TEK: variants seen among roughly 807,000 people sequenced by gnomAD.
TEK encodes TEK receptor tyrosine kinase, also known as angiopoietin-1 receptor.
In TEK, 43 loss-of-function variants were observed where a neutral mutation model predicts 131.8. That is an observed-to-expected ratio of 0.33 (90% confidence interval 0.26 to 0.42). The LOEUF (loss-of-function observed/expected upper bound fraction) is 0.42. TEK is among the 10% of genes least tolerant of loss of function. The probability of loss-of-function intolerance (pLI) is 1.00; values close to 1 mark genes in which losing one functional copy is unlikely to be tolerated. For missense variants in TEK, 1,162 were observed against 1,384.4 expected (o/e 0.84, Z 2.55); for synonymous variants, 580 against 491.6 (o/e 1.18, Z -2.38).
intron 6 of TEK, among the ~76,000 whole-genome samples, chr9:27,174,231 C>T (rs1824079322): frequency 6.6e-6 from 1 of 152,136 alleles, no homozygotes; most frequent in South Asian, 2.1e-4. Flanking sequence ...TGTGAATTAG[C>T]CAGAGCTCAA....
rs373992338 is a variant in TEK, at chr9:27,229,128, T to G, written c.3301-30T>G. The G allele has an allele frequency of 5.0e-6, 8 of 1,608,254 alleles. No homozygotes were observed. In the African/African-American group the frequency reaches 1.1e-4, roughly 22 times the overall value. On this transcript the variant is annotated intron_variant, in intron 22 of 22. Coordinates refer to ENST00000380036, the MANE Select transcript of TEK (RefSeq NM_000459.5). ...TGGCAGAGGTGGAATCAAAGCAGCC[T>G]ATGTCTCTGAACCATTTTCATTCTT...
intron 11 of TEK, among the ~76,000 whole-genome samples, chr9:27,196,293 TA>T (rs1825005918): frequency 6.6e-6 from 1 of 152,220 alleles, no homozygotes; most frequent in Non-Finnish European, 1.5e-5. Context: ...GGCTATATCA[TA>T]ATTTATTAAA....
intron 1 of TEK, among the ~76,000 whole-genome samples, chr9:27,140,404 A>C (rs11791924): frequency 0.14 from 21,347 of 151,330 alleles, 2,214 homozygotes; most frequent in African/African-American, 0.29. Flanking sequence ...AAGAAAAAAA[A>C]AAAAAAAAAA....
At chr9:27,173,398 C>G in intron 6 of TEK, 36 bp downstream of exon 6, 1 of 1,613,038 alleles carries the variant, frequency 6.2e-7, no homozygotes, top group Non-Finnish European at 8.5e-7. Context: ...AGAGGATGTT[C>G]TAGCAGGTAT....
intron 17 of TEK, 122 bp downstream of exon 17, chr9:27,213,019 T>C: frequency 9.3e-7 from 1 of 1,074,502 alleles, no homozygotes; most frequent in South Asian, 1.4e-5. Flanking sequence ...ATCTCCCTCA[T>C]TTTAATCTCT....
At chr9:27,152,041 G>A (rs887288820) in intron 1 of TEK, among the ~76,000 whole-genome samples, 1 of 152,066 alleles carries the variant, frequency 6.6e-6, no homozygotes, top group African/African-American at 2.4e-5. Flanking sequence ...AAATGCCTTT[G>A]GCCAAGGAAG....
At chr9:27,208,329 C>A (rs765339714) in intron 15 of TEK, among the ~76,000 whole-genome samples, 1 of 151,498 alleles carries the variant, frequency 6.6e-6, no homozygotes, top group Admixed American at 6.6e-5. Flanking sequence ...TCACTCCTTT[C>A]CTTGCCACCC....
intron 15 of TEK, among the ~76,000 whole-genome samples, chr9:27,207,327 G>A (rs908840140): frequency 6.6e-6 from 1 of 152,164 alleles, no homozygotes; most frequent in Admixed American, 6.5e-5. Context: ...ATTCACTTGG[G>A]TTTCTTCTAC....
chr9:27,203,751 C>T (rs1013198463), intron 13 of TEK, among the ~76,000 whole-genome samples: 2 of 152,162 alleles, frequency 1.3e-5, no homozygotes, highest in East Asian at 1.9e-4. Context: ...AGGCACCTCC[C>T]GGCTCTCTGT....
At position 27,200,031 on chromosome 9, in the gene TEK, G is replaced by A. The variant is rs188129243; in HGVS notation, c.1909+2432G>A. Reference sequence around the variant, plus strand: ...AGATATAAAAATGTTATTTTGGGGTGCAGTATATTTTAATATTTTTATTTT... The same window carrying A: ...AGATATAAAAATGTTATTTTGGGGTACAGTATATTTTAATATTTTTATTTT... On this transcript the variant is annotated intron_variant, in intron 12 of 22. Coordinates refer to ENST00000380036, the MANE Select transcript of TEK (RefSeq NM_000459.5). Among the ~76,000 whole-genome samples the A allele has an allele frequency of 4.8e-3, 733 of 152,220 alleles. 4 individuals carry two copies. The highest frequency in any genetic ancestry group is 0.016 in the African/African-American group (677 of 41,534).
At chr9:27,173,559 G>A (rs1362079863) in intron 6 of TEK, among the ~76,000 whole-genome samples, 197 bp downstream of exon 6, 1 of 152,078 alleles carries the variant, frequency 6.6e-6, no homozygotes, top group Non-Finnish European at 1.5e-5. Context: ...CGCATAGAAA[G>A]TACTTCTCAT....
chr9:27,139,501 T>C (rs1822640262), intron 1 of TEK, among the ~76,000 whole-genome samples: 1 of 151,474 alleles, frequency 6.6e-6, no homozygotes, highest in African/African-American at 2.4e-5. Flanking sequence ...ATTTTTGTAT[T>C]TTTAGTTGAG....
Position 27,109,513 on chromosome 9 carries a change from C to A in TEK, c.-78C>A. 1 of 1,506,788 alleles carries A rather than the reference C, an allele frequency of 6.6e-7. No homozygotes were observed. Among genetic ancestry groups the A allele is most frequent in the South Asian group, 1.1e-5 (1 of 88,848 alleles). The allele number at this position is 1,506,788 out of a possible 1,614,324, so 93.3% of individuals were successfully genotyped here. A position where few individuals can be genotyped will look rare whatever the true frequency, so the allele number is the denominator to read the frequency against. On this transcript the variant is annotated 5_prime_UTR_variant, in exon 1 of 23. Coordinates refer to ENST00000380036, the MANE Select transcript of TEK (RefSeq NM_000459.5). Reference sequence around the variant, plus strand: ...GTAGGACGATGCTAATGGAAAGTCACAAACCGCTGGGTTTTTGAAAGGATC... The same window carrying A: ...GTAGGACGATGCTAATGGAAAGTCAAAAACCGCTGGGTTTTTGAAAGGATC...
chr9:27,195,285 G>C (rs566750603), intron 11 of TEK, among the ~76,000 whole-genome samples: 11 of 152,250 alleles, frequency 7.2e-5, no homozygotes, highest in African/African-American at 2.4e-4. Flanking sequence ...TTAATTCCCA[G>C]TAGATGGAAA....
chr9:27,188,994 C>CT (rs763692927), intron 9 of TEK, among the ~76,000 whole-genome samples: 7 of 152,066 alleles, frequency 4.6e-5, no homozygotes, highest in Non-Finnish European at 8.8e-5. Flanking sequence ...TGAGCAAAGA[C>CT]TTGAAGGTTA....
At position 27,202,880 on chromosome 9, in the gene TEK, T is replaced by C; in HGVS notation, c.1970T>C (p.Ile657Thr). Residue 657 changes from isoleucine (I) to threonine (T), a missense_variant, in exon 13 of 23, where the codon ATT (isoleucine) becomes ACT (threonine). Physicochemically the swap from Ile to Thr is moderately conservative, Grantham distance 89. Coordinates refer to ENST00000380036, the MANE Select transcript of TEK (RefSeq NM_000459.5). ...ISNITHSSAV[I>T]SWTILDGYSI... ...AACATTACACACTCCTCAGCTGTGATTTCTTGGACAATATTGGATGGCTAT... is the reference window on the plus strand; with the variant it reads ...AACATTACACACTCCTCAGCTGTGACTTCTTGGACAATATTGGATGGCTAT... 1 of 1,614,186 alleles carries C rather than the reference T, an allele frequency of 6.2e-7. No individual in the cohort carries two copies. Among genetic ancestry groups the C allele is most frequent in the Non-Finnish European group, 8.5e-7 (1 of 1,180,008 alleles).
At chr9:27,202,552 T>C (rs1262874456) in intron 12 of TEK, among the ~76,000 whole-genome samples, 1 of 152,228 alleles carries the variant, frequency 6.6e-6, no homozygotes, top group Non-Finnish European at 1.5e-5. Context: ...TCAAGAATAG[T>C]AAGTACAGGT....
intron 1 of TEK, among the ~76,000 whole-genome samples, chr9:27,118,660 G>A (rs774204077): frequency 3.3e-5 from 5 of 152,118 alleles, no homozygotes; most frequent in Non-Finnish European, 5.9e-5. Context: ...GAAAATGGCG[G>A]CCATCCATTA....
chr9:27,182,490 T>C (rs1211708629), intron 7 of TEK, among the ~76,000 whole-genome samples: 2 of 152,214 alleles, frequency 1.3e-5, no homozygotes, highest in African/African-American at 4.8e-5. Flanking sequence ...TCCCTTCTCC[T>C]CCACACCTTT....
Sources: gnomAD v4.1 joint callset for allele counts (sites outside exome capture counted in the v4.1 genomes callset) on GRCh38, gnomAD v4.1.1 for gene constraint, MANE v1.5 for transcripts, NCBI Gene and HGNC (gene_info 2026-07-23, HGNC 2026-07-21) for gene names.